PTGIS: variants seen among roughly 807,000 people sequenced by gnomAD.
The protein encoded by PTGIS is prostacyclin synthase.
Under a neutral mutation model 50.3 loss-of-function variants are expected in PTGIS, and 45 were observed. That is an observed-to-expected ratio of 0.90 (90% CI 0.70 to 1.15). The LOEUF (loss-of-function observed/expected upper bound fraction) is 1.15. Among genes scored for constraint, PTGIS ranks in the 50% most tolerant of loss-of-function variants. The pLI is 0.00. For synonymous variants in PTGIS, 260 were observed against 267.7 expected (o/e 0.97, Z 0.28); for missense variants, 668 against 661.3 (o/e 1.01, Z -0.11).
At chr20:49,537,754 C>A (rs1236053813) in intron 5 of PTGIS, among the ~76,000 whole-genome samples, 1 of 151,678 alleles carries the variant, frequency 6.6e-6, no homozygotes, top group African/African-American at 2.4e-5. Flanking sequence ...GACTCTGTCT[C>A]AAAAAAACAA....
intron 1 of PTGIS, among the ~76,000 whole-genome samples, chr20:49,558,775 G>A (rs570754237): frequency 1.5e-4 from 23 of 151,300 alleles, no homozygotes; most frequent in African/African-American, 4.6e-4. Context: ...GTGCAATGGC[G>A]CGATCTCAGC....
intron 1 of PTGIS, among the ~76,000 whole-genome samples, chr20:49,558,394 C>A (rs1205172160): frequency 6.6e-6 from 1 of 151,824 alleles, no homozygotes; most frequent in Non-Finnish European, 1.5e-5. Context: ...GTTCCCACCA[C>A]CAAAAAAGGG....
chr20:49,524,328 G>A (rs1981739496), intron 5 of PTGIS, 89 bp from the exon 6 acceptor site: 3 of 1,449,198 alleles, frequency 2.1e-6, no homozygotes. Flanking sequence ...TGAGGCCAAG[G>A]GTCTTCTGAA....
chr20:49,506,841 C>T lies in PTGIS; in HGVS notation c.*1079G>A, dbSNP rs182195333. ...AGGCGCTGTGAATGCAGAAGCAGACCCGGTCAGAACCCTGGTGAAGCCGAG... is the reference window on the plus strand; with the variant it reads ...AGGCGCTGTGAATGCAGAAGCAGACTCGGTCAGAACCCTGGTGAAGCCGAG... On this transcript the variant is annotated 3_prime_UTR_variant, in exon 10 of 10. Coordinates refer to ENST00000244043, the MANE Select transcript of PTGIS (RefSeq NM_000961.4). 3 of 152,334 alleles carry T rather than the reference C, an allele frequency of 2.0e-5. No homozygotes were observed. Among genetic ancestry groups the T allele is most frequent in the East Asian group, 3.9e-4 (2 of 5,180 alleles). The allele number at this position is 152,334 out of a possible 1,614,324, so 9.4% of individuals were successfully genotyped here. A position where few individuals can be genotyped will look rare whatever the true frequency, so the allele number is the denominator to read the frequency against.
At chr20:49,509,888 TTTTTTTTTTTTTTTTC>T (rs1288514340) in intron 9 of PTGIS, among the ~76,000 whole-genome samples, 3 of 120,164 alleles carry the variant, frequency 2.5e-5, no homozygotes, top group African/African-American at 9.9e-5. Flanking sequence ...TTTCTTTTTT[TTTTTTTTTTTTTTTTC>T]TGGAGACAGA....
At chr20:49,562,762 C>G (rs1490819553) in intron 1 of PTGIS, among the ~76,000 whole-genome samples, 1 of 152,208 alleles carries the variant, frequency 6.6e-6, no homozygotes, top group African/African-American at 2.4e-5. Flanking sequence ...TCCTCACTCA[C>G]TGACCCCTGT....
chr20:49,561,070 G>C (rs549300084), intron 1 of PTGIS, among the ~76,000 whole-genome samples: 2 of 152,242 alleles, frequency 1.3e-5, no homozygotes, highest in South Asian at 4.1e-4. Flanking sequence ...CCTAACATCT[G>C]AGTCTCCCAC....
At chr20:49,549,948 T>A in intron 2 of PTGIS, 118 bp downstream of exon 2, 1 of 1,521,158 alleles carries the variant, frequency 6.6e-7, no homozygotes, top group African/African-American at 1.4e-5. Flanking sequence ...CTCAGATGGA[T>A]GTTGGATGGT....
chr20:49,513,409 G>T, intron 7 of PTGIS, 148 bp from the exon 8 acceptor site: 1 of 901,844 alleles, frequency 1.1e-6, no homozygotes, highest in Non-Finnish European at 1.7e-6. Flanking sequence ...AGGTGAAAAA[G>T]GACACACGAT....
intron 8 of PTGIS, among the ~76,000 whole-genome samples, chr20:49,511,583 A>G (rs1273209512): frequency 6.6e-6 from 1 of 152,234 alleles, no homozygotes; most frequent in Non-Finnish European, 1.5e-5. Context: ...ACATTTAAGT[A>G]TATATTTCTC....
intron 6 of PTGIS, among the ~76,000 whole-genome samples, chr20:49,516,027 T>C (rs1452414509): frequency 1.3e-5 from 2 of 149,102 alleles, no homozygotes; most frequent in African/African-American, 5.0e-5. Flanking sequence ...GCCACAGGCA[T>C]GTGCTACCCA....
Position 49,504,252 on chromosome 20 carries a change from A to G in PTGIS, c.*3668T>C, listed in dbSNP as rs2122826688. The G allele has an allele frequency of 6.6e-6, 1 of 152,372 alleles. No individual in the cohort carries two copies. The highest frequency in any genetic ancestry group is 1.9e-4 in the East Asian group (1 of 5,194). The allele number at this position is 152,372 out of a possible 1,614,324, so 9.4% of individuals were successfully genotyped here. Reference sequence around the variant, plus strand: ...ACTTGCTTATCTCGTTTTGTAACAGAGAAGAGAGAGCTCTCAGCCTTGGCC... The same window carrying G: ...ACTTGCTTATCTCGTTTTGTAACAGGGAAGAGAGAGCTCTCAGCCTTGGCC... On this transcript the variant is annotated 3_prime_UTR_variant, in exon 10 of 10. Coordinates refer to ENST00000244043, the MANE Select transcript of PTGIS (RefSeq NM_000961.4).
chr20:49,562,321 CG>C (rs1471302657), intron 1 of PTGIS, among the ~76,000 whole-genome samples: 2 of 152,322 alleles, frequency 1.3e-5, no homozygotes, highest in Admixed American at 1.3e-4. Context: ...TGGCTGTGGC[CG>C]GAGCTCCCCA....
chr20:49,558,141 C>T (rs966458507), intron 1 of PTGIS, among the ~76,000 whole-genome samples: 8 of 152,330 alleles, frequency 5.3e-5, no homozygotes, highest in African/African-American at 1.9e-4. Flanking sequence ...ATAATCCCAA[C>T]ACTCTGGGAG....
Position 49,507,791 on chromosome 20 carries a change from A to G in PTGIS, c.*129T>C. ...CCTCCCCTGGACCCAGCCTTCTGGG[A>G]GAAAAGCAGGGAAGTGGTAATGCTA... On this transcript the variant is annotated 3_prime_UTR_variant, in exon 10 of 10. Transcript: ENST00000244043. 7.8e-7 allele frequency: 1 copy of G among 1,283,806 alleles called. No individual in the cohort carries two copies. Among genetic ancestry groups the G allele is most frequent in the Non-Finnish European group, 1.1e-6 (1 of 914,820 alleles). 79.5% of individuals were successfully genotyped at this position (1,283,806 alleles called of 1,614,324 possible).
Position 49,568,060 on chromosome 20 carries a change from C to T in PTGIS, c.57G>A (p.Leu19=). The change falls in exon 1 of 10, where the codon CTG becomes CTA. Residue 19 remains leucine (L), a synonymous_variant. Transcript: ENST00000244043. Reference sequence around the variant, plus strand: ...ACACTCACCGCGTGCGGCGGCGGCTCAGTAGCAGCAGCAGCAACAGTGCGG... The same window carrying T: ...ACACTCACCGCGTGCGGCGGCGGCTTAGTAGCAGCAGCAGCAACAGTGCGG... ...LLAALLLLLL[L]SRRRTRRPGE... The T allele has an allele frequency of 6.7e-7, 1 of 1,483,882 alleles. No individual in the cohort carries two copies. The highest frequency in any genetic ancestry group is 8.9e-7 in the Non-Finnish European group (1 of 1,124,288). 91.9% of individuals were successfully genotyped at this position (1,483,882 alleles called of 1,614,324 possible). A position where few individuals can be genotyped will look rare whatever the true frequency, so the allele number is the denominator to read the frequency against.
At chr20:49,556,256 C>T (rs1489960580) in intron 1 of PTGIS, among the ~76,000 whole-genome samples, 1 of 152,056 alleles carries the variant, frequency 6.6e-6, no homozygotes, top group Non-Finnish European at 1.5e-5. Flanking sequence ...TCTTTTATAA[C>T]AGGGCATAAT....
In PTGIS at chr20:49,545,078, C is replaced by T. The variant is rs142191406; in HGVS notation, c.378-630G>A. Among the ~76,000 whole-genome samples the T allele has an allele frequency of 7.0e-3, 1,061 of 152,216 alleles. 6 individuals carry two copies. The highest frequency in any genetic ancestry group is 0.012 in the Non-Finnish European group (847 of 68,018). On this transcript the variant is annotated intron_variant, in intron 3 of 9. Coordinates refer to ENST00000244043, the MANE Select transcript of PTGIS (RefSeq NM_000961.4). ...CTTAAGTCCATGAGTTCAAGACCAG[C>T]CTGGGCAACATAGTGAGACTCCATC...
At chr20:49,564,701 G>C (rs139436650) in intron 1 of PTGIS, among the ~76,000 whole-genome samples, 146 of 152,252 alleles carry the variant, frequency 9.6e-4, no homozygotes, top group Non-Finnish European at 2.6e-4. Flanking sequence ...TAAAGACGGA[G>C]TTGCTCACTC....
Sources: gnomAD v4.1 joint callset for allele counts (sites outside exome capture counted in the v4.1 genomes callset) on GRCh38, gnomAD v4.1.1 for gene constraint, MANE v1.5 for transcripts, NCBI Gene and HGNC (gene_info 2026-07-23, HGNC 2026-07-21) for gene names.